Variants in RPL7L1 observed in about 807,000 individuals in gnomAD.
The protein encoded by RPL7L1 is ribosomal protein uL30-like.
RPL7L1 carries 20 observed loss-of-function variants against 30.3 expected under a neutral mutation model. That is an observed-to-expected ratio of 0.66 (90% CI 0.46 to 0.96). RPL7L1 has a LOEUF of 0.96. Among genes scored for constraint, RPL7L1 ranks in the 40% least tolerant of loss-of-function variants. The pLI, the probability that RPL7L1 is intolerant of heterozygous loss-of-function variation, is 0.00. For synonymous variants in RPL7L1, 107 were observed against 110.1 expected (o/e 0.97, Z 0.18); for missense variants, 271 against 314.9 (o/e 0.86, Z 1.05).
intron 4 of RPL7L1, 99 bp from the exon 5 acceptor site, chr6:42,885,875 A>T: frequency 2.9e-6 from 2 of 691,976 alleles, no homozygotes; most frequent in East Asian, 5.1e-5. Flanking sequence ...GGGAGAAGTG[A>T]GTGTGTGGGA....
Position 42,879,735 on chromosome 6 carries a change from C to T in RPL7L1, c.-176C>T, listed in dbSNP as rs1248499504. On this transcript the variant is annotated 5_prime_UTR_variant, in exon 1 of 6. Transcript: ENST00000493763. ...GGCTGGGTTTTGAAAATAACACAGGCTCTAAAAACCCTAAGAAGCGGTGCA... is the reference window on the plus strand; with the variant it reads ...GGCTGGGTTTTGAAAATAACACAGGTTCTAAAAACCCTAAGAAGCGGTGCA... 1.6e-6 allele frequency: 1 copy of T among 620,210 alleles called. No individual in the cohort carries two copies. Among genetic ancestry groups the T allele is most frequent in the African/African-American group, 1.8e-5 (1 of 54,232 alleles). 38.4% of individuals were successfully genotyped at this position (620,210 alleles called of 1,614,324 possible).
In RPL7L1 at chr6:42,880,288, G is replaced by T. The variant is rs556257046; in HGVS notation, c.41+337G>T. Among the ~76,000 whole-genome samples the T allele has an allele frequency of 2.0e-5, 3 of 152,204 alleles. No homozygotes were observed. The South Asian group carries it at 6.2e-4, about 32-fold the overall frequency. Reference sequence around the variant, plus strand: ...GCTGCTAGTGCCTATGAAGAACTGTGGCCGTGAAAACCCTGTTAACTTATA... The same window carrying T: ...GCTGCTAGTGCCTATGAAGAACTGTTGCCGTGAAAACCCTGTTAACTTATA... On this transcript the variant is annotated intron_variant, in intron 1 of 5. Transcript: ENST00000493763.
chr6:42,884,895 G>A, intron 4 of RPL7L1, 145 bp downstream of exon 4: 1 of 748,312 alleles, frequency 1.3e-6, no homozygotes, highest in East Asian at 2.6e-5. Flanking sequence ...GTGGGTAGCT[G>A]TAATAACCAT....
rs1766195617 is a variant in RPL7L1, at chr6:42,884,631, A to T, written c.330A>T (p.Leu110Phe). 6.8e-6 allele frequency: 11 copies of T among 1,612,932 alleles called. No homozygotes were observed. The highest frequency in any genetic ancestry group is 6.7e-5 in the Admixed American group (4 of 59,992). ...ATTTCAGGATTGACGGCGTGAGTTT[A>T]CTGGTGCAGAGAACCATTGCAAGAC... Reference protein sequence around the residue: ...VRIERIDGVSLLVQRTIARLR... With the variant: ...VRIERIDGVSFLVQRTIARLR... Residue 110 changes from leucine to phenylalanine, a missense_variant, in exon 4 of 6, where the codon TTA becomes TTT. Transcript: ENST00000493763.
rs1450839930 is a variant in RPL7L1 at position 42,889,782 on chromosome 6, A to G, written c.*3318A>G. Reference sequence around the variant, plus strand: ...TTTGTAATTTATTCTGTCAGAGCAAACTGCTGGTAAATAAAAGGGACTAAG... The same window carrying G: ...TTTGTAATTTATTCTGTCAGAGCAAGCTGCTGGTAAATAAAAGGGACTAAG... On this transcript the variant is annotated 3_prime_UTR_variant, in exon 6 of 6. Coordinates refer to ENST00000493763, the MANE Select transcript of RPL7L1 (RefSeq NM_001366481.3). 3 of 152,248 alleles carry G rather than the reference A, an allele frequency of 2.0e-5. No homozygotes were observed. The highest frequency in any genetic ancestry group is 4.4e-5 in the Non-Finnish European group (3 of 68,050). The allele number at this position is 152,248 out of a possible 1,614,324, so 9.4% of individuals were successfully genotyped here. A position where few individuals can be genotyped will look rare whatever the true frequency, so the allele number is the denominator to read the frequency against.
chr6:42,880,566 G>T lies in RPL7L1; in HGVS notation c.42-295G>T, dbSNP rs1766034715. On this transcript the variant is annotated intron_variant, in intron 1 of 5. Transcript: ENST00000493763. ...CTTGCTCTGTCCCCCAGGCTGGAGCGCAGTGTCGGGATCTCGGCTCGGTGC... is the reference window on the plus strand; with the variant it reads ...CTTGCTCTGTCCCCCAGGCTGGAGCTCAGTGTCGGGATCTCGGCTCGGTGC... The T allele has an allele frequency of 3.0e-5, 9 of 303,368 alleles. No homozygotes were observed. The South Asian group carries it at 3.1e-4, about 11-fold the overall frequency. 18.8% of individuals were successfully genotyped at this position (303,368 alleles called of 1,614,324 possible).
Position 42,883,577 on chromosome 6 carries a change from G to C in RPL7L1, c.274G>C (p.Asp92His), listed in dbSNP as rs1766156370. 1 of 1,601,164 alleles carries C rather than the reference G, an allele frequency of 6.2e-7. No homozygotes were observed. The highest frequency in any genetic ancestry group is 8.5e-7 in the Non-Finnish European group (1 of 1,175,714). Reference protein sequence around the residue: ...EVKPHALELPDKHSLAFVVRI... With the variant: ...EVKPHALELPHKHSLAFVVRI... ...GAAACCTCATGCCTTGGAATTGCCA[G>C]ATAAACATTCCTTGGCCTTTGTTGT... Residue 92 changes from aspartate to histidine, a missense_variant, in exon 3 of 6, where the codon GAT (aspartate) becomes CAT (histidine). By Grantham distance (81) the Asp-to-His change is moderately conservative. Coordinates refer to ENST00000493763, the MANE Select transcript of RPL7L1 (RefSeq NM_001366481.3).
rs1766382448 is a variant in RPL7L1, at chr6:42,889,069, C to G, written c.*2605C>G. ...ATTCTATTCCCTGGTCCTTTAAGAT[C>G]AGTTTGGCTGCAATTTTGGCTCCTT... On this transcript the variant is annotated 3_prime_UTR_variant, in exon 6 of 6. Coordinates refer to ENST00000493763, the MANE Select transcript of RPL7L1 (RefSeq NM_001366481.3). 1 of 152,144 alleles carries G rather than the reference C, an allele frequency of 6.6e-6. No individual in the cohort carries two copies. Among genetic ancestry groups the G allele is most frequent in the Non-Finnish European group, 1.5e-5 (1 of 68,024 alleles). 9.4% of individuals were successfully genotyped at this position (152,144 alleles called of 1,614,324 possible).
chr6:42,886,275 C>T lies in RPL7L1; in HGVS notation c.579C>T (p.Cys193=), dbSNP rs370025817. The change falls in exon 6 of 6, where the codon TGC becomes TGT. Residue 193 remains cysteine (C), a synonymous_variant. Coordinates refer to ENST00000493763, the MANE Select transcript of RPL7L1 (RefSeq NM_001366481.3). The part of the protein sequence containing the change: ...EEHLGKFGVI[C]LEDLIHEIAF... ...TCTTAGGGAAGTTTGGCGTCATTTG[C>T]TTGGAAGACCTCATTCATGAAATTG... 2.5e-6 allele frequency: 4 copies of T among 1,610,992 alleles called. No homozygotes were observed. Among genetic ancestry groups the T allele is most frequent in the African/African-American group, 2.7e-5 (2 of 74,810 alleles).
In RPL7L1 at chr6:42,888,088, T is replaced by C. The variant is rs950311535; in HGVS notation, c.*1624T>C. On this transcript the variant is annotated 3_prime_UTR_variant, in exon 6 of 6. Coordinates refer to ENST00000493763, the MANE Select transcript of RPL7L1 (RefSeq NM_001366481.3). ...AGGACCCCTTCGCCAGGAAAACATG[T>C]ATACACTCAAAATTTTGCTTGCAGT... The C allele has an allele frequency of 6.6e-6, 1 of 151,962 alleles. No homozygotes were observed. The highest frequency in any genetic ancestry group is 2.4e-5 in the African/African-American group (1 of 41,348). The allele number at this position is 151,962 out of a possible 1,614,324, so 9.4% of individuals were successfully genotyped here. A position where few individuals can be genotyped will look rare whatever the true frequency, so the allele number is the denominator to read the frequency against.
rs773009750 is a variant in RPL7L1, at chr6:42,883,615, G to T, written c.311+1G>T. On this transcript the variant is annotated splice_donor_variant, in intron 3 of 5. Coordinates refer to ENST00000493763, the MANE Select transcript of RPL7L1 (RefSeq NM_001366481.3). LOFTEE classifies it high-confidence loss of function. ...TGGCCTTTGTTGTACGCATCGAAAG[G>T]TAAGGAACTGGTGTCTTTCTAATTG... 2 of 1,585,182 alleles carry T rather than the reference G, an allele frequency of 1.3e-6. No individual in the cohort carries two copies. The highest frequency in any genetic ancestry group is 1.4e-5 in the African/African-American group (1 of 73,626).
Position 42,886,633 on chromosome 6 carries a change from A to G in RPL7L1, c.*169A>G. The stretch of plus-strand genomic sequence containing the variant: ...GATGGAGACCTGCTGGGATCAGTGA[A>G]TGCCTGATTAGGACATGGGGCTATG... On this transcript the variant is annotated 3_prime_UTR_variant, in exon 6 of 6. Coordinates refer to ENST00000493763, the MANE Select transcript of RPL7L1 (RefSeq NM_001366481.3). 3 of 604,962 alleles carry G rather than the reference A, an allele frequency of 5.0e-6. No homozygotes were observed. Among genetic ancestry groups the G allele is most frequent in the Non-Finnish European group, 8.8e-6 (3 of 340,124 alleles). 37.5% of individuals were successfully genotyped at this position (604,962 alleles called of 1,614,324 possible).
chr6:42,886,265 G>C lies in RPL7L1; in HGVS notation c.569G>C (p.Gly190Ala). 3 of 1,610,858 alleles carry C rather than the reference G, an allele frequency of 1.9e-6. No individual in the cohort carries two copies. The highest frequency in any genetic ancestry group is 2.5e-6 in the Non-Finnish European group (3 of 1,178,912). Reference sequence around the variant, plus strand: ...CTTTTGTGTTTCTTAGGGAAGTTTGGCGTCATTTGCTTGGAAGACCTCATT... The same window carrying C: ...CTTTTGTGTTTCTTAGGGAAGTTTGCCGTCATTTGCTTGGAAGACCTCATT... Reference protein sequence around the residue: ...TVIEEHLGKFGVICLEDLIHE... With the variant: ...TVIEEHLGKFAVICLEDLIHE... The change falls in exon 6 of 6, where the codon GGC (glycine) becomes GCC (alanine). Residue 190 changes from glycine (G) to alanine (A), a missense_variant. By Grantham distance (60) the Gly-to-Ala change is moderately conservative. Coordinates refer to ENST00000493763, the MANE Select transcript of RPL7L1 (RefSeq NM_001366481.3).
rs556477422 is a variant in RPL7L1, at chr6:42,888,541, A to G, written c.*2077A>G. The G allele has an allele frequency of 1.3e-5, 2 of 152,324 alleles. No individual in the cohort carries two copies. The highest frequency in any genetic ancestry group is 6.5e-5 in the Admixed American group (1 of 15,306). 9.4% of individuals were successfully genotyped at this position (152,324 alleles called of 1,614,324 possible). A position where few individuals can be genotyped will look rare whatever the true frequency, so the allele number is the denominator to read the frequency against. On this transcript the variant is annotated 3_prime_UTR_variant, in exon 6 of 6. Transcript: ENST00000493763. ...TCTTGCTACTCTGGTTCCATGTCCTATGGAAGACCAAAGTTTACCAAGATA... is the reference window on the plus strand; with the variant it reads ...TCTTGCTACTCTGGTTCCATGTCCTGTGGAAGACCAAAGTTTACCAAGATA...
intron 4 of RPL7L1, 55 bp from the exon 5 acceptor site, chr6:42,885,919 C>A: frequency 1.1e-6 from 1 of 925,574 alleles, no homozygotes; most frequent in Non-Finnish European, 1.8e-6. Flanking sequence ...GGCTGCAGGA[C>A]TGGTATGTAG....
At position 42,889,445 on chromosome 6, in the gene RPL7L1, A is replaced by AG. The variant is rs1392074879; in HGVS notation, c.*2981_*2982insG. 6.6e-6 allele frequency: 1 copy of AG among 151,992 alleles called. No homozygotes were observed. Among genetic ancestry groups the AG allele is most frequent in the Non-Finnish European group, 1.5e-5 (1 of 67,878 alleles). The allele number at this position is 151,992 out of a possible 1,614,324, so 9.4% of individuals were successfully genotyped here. On this transcript the variant is annotated 3_prime_UTR_variant, in exon 6 of 6. Transcript: ENST00000493763. The stretch of plus-strand genomic sequence containing the variant: ...AACAAAAGCAAAACTCTGTCTCAAA[A>AG]AAAAAAAAAAAAAAAGTGCCAGCGT...
In RPL7L1 at chr6:42,879,813, G is replaced by A; in HGVS notation, c.-98G>A. ...GACCTCAAGGGCTCACTGCGGCTAA[G>A]TGAACGCTGACTGGTCCTCCAGCGT... is the stretch of plus-strand genomic sequence containing the variant. On this transcript the variant is annotated 5_prime_UTR_variant, in exon 1 of 6. In the 5' UTR this introduces an upstream ATG that the reference lacks. Transcript: ENST00000493763. The A allele has an allele frequency of 1.5e-6, 2 of 1,335,496 alleles. No homozygotes were observed. Among genetic ancestry groups the A allele is most frequent in the Non-Finnish European group, 2.1e-6 (2 of 930,284 alleles). The allele number at this position is 1,335,496 out of a possible 1,614,324, so 82.7% of individuals were successfully genotyped here. A position where few individuals can be genotyped will look rare whatever the true frequency, so the allele number is the denominator to read the frequency against.
At chr6:42,886,186 C>A in intron 5 of RPL7L1, 70 bp from the exon 6 acceptor site, 1 of 1,454,990 alleles carries the variant, frequency 6.9e-7, no homozygotes, top group Non-Finnish European at 9.6e-7. Flanking sequence ...CAAGAGTCTG[C>A]CAGAGTGGCC....
At position 42,885,924 on chromosome 6, in the gene RPL7L1, A is replaced by G. The variant is rs1766248417; in HGVS notation, c.450-50A>G. On this transcript the variant is annotated intron_variant, in intron 4 of 5. Transcript: ENST00000493763. ...CTCTCAGCCAGGCTGCAGGACTGGT[A>G]TGTAGTGTGCCAGGTGCTGGTGAAA... is the stretch of plus-strand genomic sequence containing the variant. The G allele has an allele frequency of 6.2e-6, 6 of 962,390 alleles. No homozygotes were observed. In the South Asian group the frequency reaches 6.5e-5, roughly 10 times the overall value. The allele number at this position is 962,390 out of a possible 1,614,324, so 59.6% of individuals were successfully genotyped here. A position where few individuals can be genotyped will look rare whatever the true frequency, so the allele number is the denominator to read the frequency against.
Sources: gnomAD v4.1 joint callset for allele counts (sites outside exome capture counted in the v4.1 genomes callset) on GRCh38, gnomAD v4.1.1 for gene constraint, MANE v1.5 for transcripts, NCBI Gene and HGNC (gene_info 2026-07-23, HGNC 2026-07-21) for gene names.